ADAM32: variants seen among roughly 807,000 people sequenced by gnomAD.
ADAM32 encodes disintegrin and metalloproteinase domain-containing protein 32.
In ADAM32, 89 loss-of-function variants were observed where a neutral mutation model predicts 114.9. The ratio of observed to expected loss-of-function variants is 0.77; its 90% CI spans 0.65 to 0.92. The LOEUF is 0.92. Ranked by LOEUF, ADAM32 falls within the 40% of genes least tolerant of loss-of-function variation. ADAM32 has a pLI of 0.00. For synonymous variants in ADAM32, 285 were observed against 307.5 expected, an observed-to-expected ratio of 0.93 and a Z score of 0.77; for missense variants, 870 against 932.8, an observed-to-expected ratio of 0.93 and a Z score of 0.88.
Position 39,165,199 on chromosome 8 carries a change from A to T in ADAM32, c.833+3A>T, listed in dbSNP as rs1292680897. 1.3e-6 allele frequency: 2 copies of T among 1,504,226 alleles called. No individual in the cohort carries two copies. The allele number at this position is 1,504,226 out of a possible 1,614,324, so 93.2% of individuals were successfully genotyped here. ...CATGATATTGCATATCTACTAATGT[A>T]AGAATAATGTTTCATTATTCCTAGA... On this transcript the variant is annotated splice_donor_region_variant and intron_variant, in intron 9 of 24. Transcript: ENST00000379907.
intron 17 of ADAM32, among the ~76,000 whole-genome samples, chr8:39,248,423 C>G (rs1811071438): frequency 6.6e-6 from 1 of 151,940 alleles, no homozygotes; most frequent in Non-Finnish European, 1.5e-5. Flanking sequence ...TAGATTTATA[C>G]CAAGTACTTC....
intron 11 of ADAM32, among the ~76,000 whole-genome samples, chr8:39,207,336 C>T (rs1807911741): frequency 6.6e-6 from 1 of 152,106 alleles, no homozygotes; most frequent in Admixed American, 6.5e-5. Flanking sequence ...CCTCCTATTC[C>T]TGATATATCA....
At chr8:39,270,614 G>GA (rs1231712779) in intron 19 of ADAM32, among the ~76,000 whole-genome samples, 1 of 152,160 alleles carries the variant, frequency 6.6e-6, no homozygotes, top group Non-Finnish European at 1.5e-5. Context: ...GTTTAGAAGG[G>GA]ATCAGAAAAA....
Position 39,223,056 on chromosome 8 carries a change from T to C in ADAM32, c.1343T>C (p.Val448Ala). ...CKDCQILQSGVECRPKAHPEC... is the reference protein window; with the variant it reads ...CKDCQILQSGAECRPKAHPEC... ...TTCTCTTAGATTTTACAATCAGGCG[T>C]TGAATGTAGGCCGAAAGCACATCCT... The change falls in exon 14 of 25, where the codon GTT becomes GCT. Residue 448 changes from valine to alanine, a missense_variant. Coordinates refer to ENST00000379907, the MANE Select transcript of ADAM32 (RefSeq NM_145004.7). The C allele has an allele frequency of 6.3e-7, 1 of 1,584,950 alleles. No homozygotes were observed. The highest frequency in any genetic ancestry group is 8.6e-7 in the Non-Finnish European group (1 of 1,166,350).
intron 10 of ADAM32, 25 bp downstream of exon 10, chr8:39,170,022 T>C (rs74356030): frequency 0.1 from 149,773 of 1,479,268 alleles, 8,388 homozygotes; most frequent in Middle Eastern, 0.16. Context: ...AATCTTATTT[T>C]TTAAATTAAC....
chr8:39,119,332 C>A (rs1317913312), intron 2 of ADAM32, among the ~76,000 whole-genome samples: 1 of 152,174 alleles, frequency 6.6e-6, no homozygotes, highest in African/African-American at 2.4e-5. Flanking sequence ...GTCACATCAG[C>A]AATTTTTGAG....
intron 11 of ADAM32, among the ~76,000 whole-genome samples, chr8:39,199,300 T>C (rs1807220138): frequency 6.6e-6 from 1 of 152,220 alleles, no homozygotes; most frequent in African/African-American, 2.4e-5. Context: ...ACATAAGTCA[T>C]CTATGCCTTT....
At chr8:39,148,622 G>A (rs541646397) in intron 4 of ADAM32, among the ~76,000 whole-genome samples, 1 of 151,840 alleles carries the variant, frequency 6.6e-6, no homozygotes, top group African/African-American at 2.4e-5. Context: ...TTTATTTACT[G>A]ATGTAACACC....
intron 16 of ADAM32, among the ~76,000 whole-genome samples, chr8:39,238,655 A>G (rs1010414715): frequency 1.3e-5 from 2 of 152,220 alleles, no homozygotes; most frequent in Non-Finnish European, 2.9e-5. Context: ...GAGAAAGGTG[A>G]AAAACTACCT....
intron 11 of ADAM32, among the ~76,000 whole-genome samples, chr8:39,196,492 T>C (rs529873882): frequency 4.6e-5 from 7 of 152,276 alleles, no homozygotes; most frequent in South Asian, 2.1e-4. Context: ...GGCCCTATTA[T>C]GCTGAGGTAC....
intron 10 of ADAM32, among the ~76,000 whole-genome samples, chr8:39,183,542 C>G (rs987907733): frequency 6.6e-6 from 1 of 152,194 alleles, no homozygotes; most frequent in Non-Finnish European, 1.5e-5. Flanking sequence ...TCTAGCAATT[C>G]CCATCCCATC....
chr8:39,246,179 ATGT>A lies in ADAM32; in HGVS notation c.1902+15_1902+17del. On this transcript the variant is annotated intron_variant, in intron 17 of 24. Transcript: ENST00000379907. ...TTCTGGACATGGAGTAAGTAACCAC[ATGT>A]TTCCCTGAATCACATTTCTTGGACA... is the stretch of plus-strand genomic sequence containing the variant. 1 of 1,604,742 alleles carries A rather than the reference ATGT, an allele frequency of 6.2e-7. No homozygotes were observed. Among genetic ancestry groups the A allele is most frequent in the South Asian group, 1.1e-5 (1 of 89,662 alleles).
At chr8:39,141,311 T>A (rs1029781154) in intron 3 of ADAM32, among the ~76,000 whole-genome samples, 1 of 152,248 alleles carries the variant, frequency 6.6e-6, no homozygotes, top group Non-Finnish European at 1.5e-5. Flanking sequence ...TTTCCTGCTT[T>A]CTTTTGTGGG....
chr8:39,159,723 G>A (rs1804367941), intron 6 of ADAM32, among the ~76,000 whole-genome samples: 1 of 152,204 alleles, frequency 6.6e-6, no homozygotes, highest in African/African-American at 2.4e-5. Flanking sequence ...CATGGTGGAG[G>A]AAACAAAGGA....
chr8:39,251,392 C>G (rs1444164989), intron 17 of ADAM32, among the ~76,000 whole-genome samples: 1 of 151,204 alleles, frequency 6.6e-6, no homozygotes, highest in Admixed American at 6.6e-5. Flanking sequence ...AAAAAAATGG[C>G]TTTTATAAGC....
chr8:39,176,747 T>C (rs1805555990), intron 10 of ADAM32, among the ~76,000 whole-genome samples: 1 of 152,178 alleles, frequency 6.6e-6, no homozygotes, highest in Admixed American at 6.5e-5. Flanking sequence ...TCTTTGTTAA[T>C]TTTCTGTCTC....
At chr8:39,110,332 A>C (rs946088265) in intron 1 of ADAM32, among the ~76,000 whole-genome samples, 2 of 152,148 alleles carry the variant, frequency 1.3e-5, no homozygotes, top group African/African-American at 4.8e-5. Flanking sequence ...TGGCCTCCCA[A>C]AGTGCTAGGA....
At chr8:39,138,391 T>C (rs2129445084) in intron 3 of ADAM32, among the ~76,000 whole-genome samples, 1 of 152,208 alleles carries the variant, frequency 6.6e-6, no homozygotes, top group East Asian at 1.9e-4. Context: ...TTCTCATTGT[T>C]CAACTCCGAC....
At chr8:39,209,896 A>G (rs1374025043) in intron 11 of ADAM32, among the ~76,000 whole-genome samples, 4 of 152,138 alleles carry the variant, frequency 2.6e-5, no homozygotes, top group Non-Finnish European at 5.9e-5. Flanking sequence ...ATGCACTTTC[A>G]TGGCCACTGC....
Sources: allele counts gnomAD v4.1 joint callset (sites outside exome capture counted in the v4.1 genomes callset), GRCh38; gene constraint gnomAD v4.1.1; transcripts MANE v1.5; gene names NCBI Gene and HGNC (gene_info 2026-07-23, HGNC 2026-07-21).